The following YME1L1 variants were observed in gnomAD, a reference collection of about 807,000 sequenced individuals.
YME1L1 encodes the protein ATP-dependent zinc metalloprotease YME1L1.
Under a neutral mutation model 90.4 loss-of-function variants are expected in YME1L1, and 39 were observed. That is an observed-to-expected ratio of 0.43 (90% CI 0.33 to 0.56). The LOEUF is 0.56. YME1L1 is among the 20% of genes least tolerant of loss of function. The probability of loss-of-function intolerance (pLI) is 0.03; values close to 1 mark genes in which losing one functional copy is unlikely to be tolerated. For missense variants in YME1L1, 617 were observed against 868.4 expected (o/e 0.71, Z 3.64); for synonymous variants, 284 against 287.3 (o/e 0.99, Z 0.12).
intron 2 of YME1L1, chr10:27,147,188 T>C (rs1354512899): frequency 5.2e-6 from 3 of 576,648 alleles, no homozygotes; most frequent in Non-Finnish European, 9.2e-6. Context: ...TAGAAGAAAA[T>C]GGAGAACTAA....
chr10:27,120,303 C>G lies in YME1L1; in HGVS notation c.1411+132G>C. 3 of 629,376 alleles carry G rather than the reference C, an allele frequency of 4.8e-6. No homozygotes were observed. The East Asian group carries it at 8.5e-5, about 18-fold the overall frequency. The allele number at this position is 629,376 out of a possible 1,614,324, so 39.0% of individuals were successfully genotyped here. A position where few individuals can be genotyped will look rare whatever the true frequency, so the allele number is the denominator to read the frequency against. On this transcript the variant is annotated intron_variant, in intron 13 of 18. Transcript: ENST00000376016. ...AGGAATGGACTTTTAAACGAACATA[C>G]TAATGGAAAAAAAAAAGACAAAAAT...
rs869122796 is a variant in YME1L1, at chr10:27,113,219, C to CAAAA, written c.2008-1103_2008-1100dup. Among the ~76,000 whole-genome samples the CAAAA allele has an allele frequency of 2.8e-4, 12 of 43,102 alleles. 1 individual carries two copies. The highest frequency in any genetic ancestry group is 7.6e-4 in the South Asian group (1 of 1,316). The allele number at this position is 43,102 out of a possible 152,430, so 28.3% of individuals were successfully genotyped here. ...TGGGTGACAGGGCAAGATGCTGTCT[C>CAAAA]AAAAAAAAAAAAAAAAAAAAAAAAA... On this transcript the variant is annotated intron_variant, in intron 18 of 18. Transcript: ENST00000376016.
intron 2 of YME1L1, among the ~76,000 whole-genome samples, chr10:27,148,178 A>G (rs945616388): frequency 2.0e-5 from 3 of 151,342 alleles, no homozygotes; most frequent in Non-Finnish European, 4.4e-5. Context: ...AGATTAAACC[A>G]AAAAATGAGA....
At chr10:27,117,840 G>T in intron 14 of YME1L1, 113 bp from the exon 15 acceptor site, 1 of 1,073,710 alleles carries the variant, frequency 9.3e-7, no homozygotes, top group Non-Finnish European at 1.3e-6. Flanking sequence ...AGCAGATTCT[G>T]CATCCATAGA....
At chr10:27,134,710 A>T in intron 6 of YME1L1, 121 bp downstream of exon 6, 2 of 1,014,462 alleles carry the variant, frequency 2.0e-6, no homozygotes, top group Non-Finnish European at 2.9e-6. Context: ...AGATTAAGTT[A>T]CAAATATAGT....
At chr10:27,138,129 ATC>A (rs1370342427) in intron 4 of YME1L1, among the ~76,000 whole-genome samples, 1 of 152,106 alleles carries the variant, frequency 6.6e-6, no homozygotes, top group Non-Finnish European at 1.5e-5. Context: ...TTGATAATCC[ATC>A]ATTTGCTTAT....
At chr10:27,151,823 G>A (rs891833386) in intron 1 of YME1L1, among the ~76,000 whole-genome samples, 1 of 151,150 alleles carries the variant, frequency 6.6e-6, no homozygotes, top group African/African-American at 2.4e-5. Context: ...GGAGCTTGCA[G>A]TGAGCGGAGA....
Position 27,131,927 on chromosome 10 carries a change from T to C in YME1L1, c.790A>G (p.Thr264Ala). The C allele has an allele frequency of 1.9e-6, 3 of 1,612,824 alleles. No individual in the cohort carries two copies. The highest frequency in any genetic ancestry group is 2.5e-6 in the Non-Finnish European group (3 of 1,179,588). ...NPFLSVRFRT[T>A]TGLDSAVDPV... is the part of the protein sequence containing the mutation. Reference sequence around the variant, plus strand: ...TCTACTGCAGAATCAAGCCCTGTTGTTGTCCGGAAGCGGACTAAAGGGAAG... The same window carrying C: ...TCTACTGCAGAATCAAGCCCTGTTGCTGTCCGGAAGCGGACTAAAGGGAAG... The change falls in exon 8 of 19, where the codon ACA becomes GCA. Residue 264 changes from threonine to alanine, a missense_variant. Physicochemically the swap from Thr to Ala is moderately conservative, Grantham distance 58. Transcript: ENST00000376016.
intron 8 of YME1L1, among the ~76,000 whole-genome samples, chr10:27,127,835 T>C (rs886828150): frequency 3.9e-5 from 6 of 152,144 alleles, no homozygotes; most frequent in Admixed American, 3.9e-4. Context: ...TTGTGTGAAT[T>C]TGTTAAACTT....
chr10:27,145,406 A>G (rs1005349697), intron 3 of YME1L1, 22 bp downstream of exon 3: 1 of 1,563,016 alleles, frequency 6.4e-7, no homozygotes, highest in African/African-American at 1.4e-5. Flanking sequence ...ATTTAATTGG[A>G]ACAAAAAACA....
chr10:27,136,734 T>G (rs913118549), intron 4 of YME1L1, among the ~76,000 whole-genome samples: 4 of 84,988 alleles, frequency 4.7e-5, no homozygotes, highest in Non-Finnish European at 1.2e-4. Flanking sequence ...TTTATTTATT[T>G]ATTTATTTAT....
At chr10:27,124,583 T>C (rs1211565525) in intron 9 of YME1L1, among the ~76,000 whole-genome samples, 1 of 152,212 alleles carries the variant, frequency 6.6e-6, no homozygotes, top group Non-Finnish European at 1.5e-5. Context: ...ATCCTAGTAT[T>C]GTCATGTTTT....
intron 14 of YME1L1, among the ~76,000 whole-genome samples, chr10:27,118,601 T>G (rs2056836900): frequency 6.6e-6 from 1 of 152,212 alleles, no homozygotes; most frequent in Admixed American, 6.5e-5. Flanking sequence ...ACAAAGTTTT[T>G]TAAAATGGGC....
Position 27,111,709 on chromosome 10 carries a change from CTAAT to C in YME1L1, c.*264_*267del, listed in dbSNP as rs1173941116. ...TCATTAATTACTTTCAACTTAATAA[CTAAT>C]TGACATTCCTCAAAAGAGCTGTTTT... is the stretch of plus-strand genomic sequence containing the variant. On this transcript the variant is annotated 3_prime_UTR_variant, in exon 19 of 19. Transcript: ENST00000376016. 5 of 508,966 alleles carry C rather than the reference CTAAT, an allele frequency of 9.8e-6. No individual in the cohort carries two copies. The highest frequency in any genetic ancestry group is 3.9e-5 in the African/African-American group (2 of 51,918). The allele number at this position is 508,966 out of a possible 1,614,324, so 31.5% of individuals were successfully genotyped here.
intron 13 of YME1L1, 132 bp downstream of exon 13, chr10:27,120,303 C>T (rs140598788): frequency 0.022 from 13,966 of 629,226 alleles, 238 homozygotes; most frequent in Non-Finnish European, 0.028. Flanking sequence ...AACGAACATA[C>T]TAATGGAAAA....
intron 15 of YME1L1, among the ~76,000 whole-genome samples, chr10:27,117,254 G>A (rs1221105155): frequency 6.6e-6 from 1 of 152,080 alleles, no homozygotes; most frequent in Non-Finnish European, 1.5e-5. Flanking sequence ...TTCCCTTTTG[G>A]GGCAGCGGAG....
intron 4 of YME1L1, among the ~76,000 whole-genome samples, chr10:27,140,886 A>G (rs2057080308): frequency 6.6e-6 from 1 of 152,174 alleles, no homozygotes; most frequent in African/African-American, 2.4e-5. Flanking sequence ...AAATTTATTA[A>G]GATAGTTTTC....
chr10:27,147,587 A>T, intron 2 of YME1L1: 1 of 1,587,468 alleles, frequency 6.3e-7, no homozygotes, highest in South Asian at 1.1e-5. Context: ...GGCTCCATGA[A>T]CATGGATCTG....
rs140221016 is a variant in YME1L1 at position 27,127,359 on chromosome 10, A to G, written c.859-573T>C. ...GCATTTTCTTTTCAGAGTATTTAAA[A>G]AAATACAAAACAAAGCTTTGTCCAT... On this transcript the variant is annotated intron_variant, in intron 8 of 18. Coordinates refer to ENST00000376016, the MANE Select transcript of YME1L1 (RefSeq NM_014263.4). Among the ~76,000 whole-genome samples the G allele has an allele frequency of 3.1e-3, 465 of 152,352 alleles. 4 individuals are homozygous for G. The highest frequency in any genetic ancestry group is 0.011 in the African/African-American group (438 of 41,592).
Sources: gnomAD v4.1 joint callset for allele counts (sites outside exome capture counted in the v4.1 genomes callset) on GRCh38, gnomAD v4.1.1 for gene constraint, MANE v1.5 for transcripts, NCBI Gene and HGNC (gene_info 2026-07-23, HGNC 2026-07-21) for gene names.